Variants in RASGEF1C observed in about 807,000 individuals in gnomAD.
The protein encoded by RASGEF1C is RasGEF domain family member 1C, also known as ras-GEF domain-containing family member 1C.
RASGEF1C carries 27 observed loss-of-function variants against 58.1 expected under a neutral mutation model. The observed-to-expected ratio is 0.46, with a 90% confidence interval of 0.34 to 0.64. The LOEUF (loss-of-function observed/expected upper bound fraction) is 0.64, where lower values mean the gene tolerates loss of function less well. Among genes scored for constraint, RASGEF1C ranks in the 30% least tolerant of loss-of-function variants. RASGEF1C has a pLI of 0.01. For missense variants in RASGEF1C, 502 were observed against 605.1 expected (o/e 0.83, Z 1.79); for synonymous variants, 243 against 246.3 (o/e 0.99, Z 0.13).
chr5:180,139,812 A>C (rs1766547135), intron 1 of RASGEF1C, among the ~76,000 whole-genome samples: 1 of 152,168 alleles, frequency 6.6e-6, no homozygotes, highest in Admixed American at 6.5e-5. Flanking sequence ...CCTCCTGCCC[A>C]GGGCCCGGCA....
chr5:180,147,411 C>T (rs577946106), intron 1 of RASGEF1C, among the ~76,000 whole-genome samples: 3 of 151,690 alleles, frequency 2.0e-5, no homozygotes, highest in East Asian at 3.9e-4. Context: ...ATTTTGAGAT[C>T]TTTCTTCTTT....
At chr5:180,185,022 G>A (rs1756008071) in intron 1 of RASGEF1C, among the ~76,000 whole-genome samples, 1 of 152,346 alleles carries the variant, frequency 6.6e-6, no homozygotes, top group Admixed American at 6.5e-5. Context: ...GCCAGGGGCG[G>A]TGGCTCACAC....
intron 1 of RASGEF1C, among the ~76,000 whole-genome samples, chr5:180,189,723 A>G (rs1331483108): frequency 7.3e-5 from 11 of 151,610 alleles, no homozygotes; most frequent in Admixed American, 7.2e-4. Flanking sequence ...AAAGTTTGAG[A>G]CCAGCCTGGC....
At chr5:180,108,204 C>CT (rs34249635) in intron 12 of RASGEF1C, among the ~76,000 whole-genome samples, 12,549 of 124,914 alleles carry the variant, frequency 0.1, 729 homozygotes, top group Non-Finnish European at 0.13. Flanking sequence ...TTCTTTCTTT[C>CT]TTTTTTTTTT....
intron 1 of RASGEF1C, among the ~76,000 whole-genome samples, chr5:180,146,529 G>C (rs1265783354): frequency 2.0e-5 from 3 of 151,600 alleles, no homozygotes; most frequent in Non-Finnish European, 4.4e-5. Context: ...TGTCATGAAA[G>C]GGCATTGAAT....
chr5:180,137,719 G>A lies in RASGEF1C; in HGVS notation c.178-7C>T, dbSNP rs1360207646. 2 of 1,612,826 alleles carry A rather than the reference G, an allele frequency of 1.2e-6. No individual in the cohort carries two copies. Among genetic ancestry groups the A allele is most frequent in the African/African-American group, 1.3e-5 (1 of 74,936 alleles). ...AGGTGAAGATGTAGGCTTTCTGGGG[G>A]ACACACGAGAAAGAGGGCACAGGCT... On this transcript the variant is annotated splice_region_variant and splice_polypyrimidine_tract_variant and intron_variant, in intron 2 of 13. Coordinates refer to ENST00000361132, the MANE Select transcript of RASGEF1C (RefSeq NM_175062.4). This position sits in a 1 kb window ranked among gnomAD's most constrained non-coding sequence, Gnocchi z 4.1.
At position 180,128,544 on chromosome 5, in the gene RASGEF1C, C is replaced by T; in HGVS notation, c.505G>A (p.Gly169Arg). ...LHQKLAALRQ[G>R]PEGLVGADKP... ...TCGGCACCCACCAGACCTTCTGGCC[C>T]CTGGCGCAGAGCCGCCAGCTTCTGG... is the stretch of plus-strand genomic sequence containing the variant. Residue 169 changes from glycine (G) to arginine (R), a missense_variant, in exon 5 of 14, where the codon GGG (glycine) becomes AGG (arginine). By Grantham distance (125) the Gly-to-Arg change is moderately radical (BLOSUM62 -2). Transcript: ENST00000361132. 1.2e-6 allele frequency: 2 copies of T among 1,614,130 alleles called. No homozygotes were observed. The highest frequency in any genetic ancestry group is 1.7e-6 in the Non-Finnish European group (2 of 1,180,016).
intron 1 of RASGEF1C, among the ~76,000 whole-genome samples, chr5:180,174,618 C>CCG (rs1767191045): frequency 7.9e-5 from 1 of 12,662 alleles, no homozygotes; most frequent in Non-Finnish European, 1.9e-4. Context: ...ATGTGTGTGT[C>CCG]TGTGTGTGTG....
intron 11 of RASGEF1C, among the ~76,000 whole-genome samples, chr5:180,113,326 G>A (rs1221664614): frequency 4.0e-5 from 2 of 50,302 alleles, no homozygotes; most frequent in Non-Finnish European, 8.1e-5. Flanking sequence ...GGAGGGACCG[G>A]GGATGGACGG....
At chr5:180,129,984 A>G in intron 4 of RASGEF1C, among the ~76,000 whole-genome samples, 1 of 152,188 alleles carries the variant, frequency 6.6e-6, no homozygotes, top group Admixed American at 6.5e-5. Context: ...TACCCAGCCC[A>G]TGATGTGGCC....
intron 1 of RASGEF1C, among the ~76,000 whole-genome samples, chr5:180,181,675 G>A (rs928356328): frequency 7.2e-5 from 11 of 152,188 alleles, no homozygotes; most frequent in African/African-American, 2.7e-4. Context: ...GGGTTCAGAG[G>A]GAATGTGTCC....
Position 180,128,521 on chromosome 5 carries a change from G to A in RASGEF1C, c.528C>T (p.Ala176=), listed in dbSNP as rs150580442. The A allele has an allele frequency of 1.4e-5, 23 of 1,613,982 alleles. No individual in the cohort carries two copies. In the South Asian group the frequency reaches 1.5e-4, roughly 11 times the overall value. Residue 176 remains alanine, a synonymous_variant, in exon 5 of 14, where the codon GCC becomes GCT. Transcript: ENST00000361132. ...TGGTCCTGTAGGAGATGGGCTTGTC[G>A]GCACCCACCAGACCTTCTGGCCCCT... The part of the protein sequence containing the change: ...LRQGPEGLVG[A]DKPISYRTKP...
chr5:180,171,431 G>A lies in RASGEF1C; in HGVS notation c.-6-33373C>T, dbSNP rs367942349. Among the ~76,000 whole-genome samples, 49 of 152,212 alleles carry A rather than the reference G, an allele frequency of 3.2e-4. No individual in the cohort carries two copies. In the East Asian group the frequency reaches 9.3e-3, roughly 29 times the overall value. ...GAATCCAACCCGCCCATGAGAAGAT[G>A]GGAGACCCCGCAGTGACAAGCACCC... is the stretch of plus-strand genomic sequence containing the variant. On this transcript the variant is annotated intron_variant, in intron 1 of 13. Transcript: ENST00000361132.
At chr5:180,174,613 TG>T (rs1767190358) in intron 1 of RASGEF1C, among the ~76,000 whole-genome samples, 1 of 11,132 alleles carries the variant, frequency 9.0e-5, no homozygotes, top group South Asian at 5.4e-3. Context: ...CACGCATGTG[TG>T]TGTCTGTGTG....
At chr5:180,154,327 C>T (rs996290370) in intron 1 of RASGEF1C, among the ~76,000 whole-genome samples, 2 of 152,136 alleles carry the variant, frequency 1.3e-5, no homozygotes, top group Admixed American at 1.3e-4. Context: ...GCACTGTTTC[C>T]AAGGCTCCTG....
rs1409851115 is a variant in RASGEF1C, at chr5:180,156,428, G to A, written c.-6-18370C>T. Among the ~76,000 whole-genome samples the A allele has an allele frequency of 8.5e-5, 13 of 152,252 alleles. No homozygotes were observed. The East Asian group carries it at 1.9e-3, about 23-fold the overall frequency. The stretch of plus-strand genomic sequence containing the variant: ...AGCACAGTTGGTGCCTGGCAGGGCC[G>A]AGGTGGGAACCAAGCGCTGGACCTC... On this transcript the variant is annotated intron_variant, in intron 1 of 13. Coordinates refer to ENST00000361132, the MANE Select transcript of RASGEF1C (RefSeq NM_175062.4). This position sits in a 1 kb window ranked among gnomAD's most constrained non-coding sequence, Gnocchi z 4.9.
intron 1 of RASGEF1C, among the ~76,000 whole-genome samples, chr5:180,207,717 C>A (rs544144350): frequency 1.3e-5 from 2 of 152,292 alleles, no homozygotes; most frequent in African/African-American, 2.4e-5. Flanking sequence ...CGCCTGGGGG[C>A]TGCCCAGGAC....
intron 1 of RASGEF1C, among the ~76,000 whole-genome samples, chr5:180,140,168 T>G (rs900812030): frequency 1.3e-5 from 2 of 152,196 alleles, no homozygotes; most frequent in African/African-American, 4.8e-5. Flanking sequence ...CGACTAGCTC[T>G]CGCTGGAGCC....
At chr5:180,171,488 G>A (rs935930403) in intron 1 of RASGEF1C, among the ~76,000 whole-genome samples, 1 of 152,160 alleles carries the variant, frequency 6.6e-6, no homozygotes, top group African/African-American at 2.4e-5. Context: ...CCGAGGCCGA[G>A]GGACGTGCTG....
Sources: gnomAD v4.1 joint callset for allele counts (sites outside exome capture counted in the v4.1 genomes callset) on GRCh38, gnomAD v4.1.1 for gene constraint, Gnocchi (gnomAD v3.1) non-coding constraint, MANE v1.5 for transcripts, NCBI Gene and HGNC (gene_info 2026-07-23, HGNC 2026-07-21) for gene names.